Variants in LOXL4 observed in about 807,000 individuals in gnomAD.
LOXL4 encodes lysyl oxidase homolog 4.
LOXL4 carries 72 observed loss-of-function variants against 89.1 expected under a neutral mutation model. The ratio of observed to expected loss-of-function variants is 0.81; its 90% confidence interval spans 0.67 to 0.98. The LOEUF (loss-of-function observed/expected upper bound fraction) is 0.98, where lower values mean the gene tolerates loss of function less well. LOXL4 is among the 50% of genes least tolerant of loss of function. The pLI, the probability that LOXL4 is intolerant of heterozygous loss-of-function variation, is 0.00. For missense variants in LOXL4, 984 were observed against 1,017.5 expected, an observed-to-expected ratio of 0.97 and a Z score of 0.45; for synonymous variants, 355 against 392.1, an observed-to-expected ratio of 0.91 and a Z score of 1.12.
At chr10:98,255,382 C>T (rs1262286837) in intron 10 of LOXL4, among the ~76,000 whole-genome samples, 195 bp downstream of exon 10, 1 of 152,182 alleles carries the variant, frequency 6.6e-6, no homozygotes, top group South Asian at 2.1e-4. Flanking sequence ...TTCTTTCTCA[C>T]AATAACTCCG....
At position 98,260,976 on chromosome 10, in the gene LOXL4, A is replaced by G. The variant is rs1590883383; in HGVS notation, c.608T>C (p.Val203Ala). 4.3e-6 allele frequency: 7 copies of G among 1,613,604 alleles called. No homozygotes were observed. The highest frequency in any genetic ancestry group is 1.3e-5 in the African/African-American group (1 of 74,862). Residue 203 changes from valine to alanine, a missense_variant, in exon 4 of 15, where the codon GTG becomes GCG. Coordinates refer to ENST00000260702, the MANE Select transcript of LOXL4 (RefSeq NM_032211.7). ...GCTGGGGAAGCCCAGCATCCCGCACACCACCCTGCTGTTGTTCATGGTCCA... is the reference window on the plus strand; with the variant it reads ...GCTGGGGAAGCCCAGCATCCCGCACGCCACCCTGCTGTTGTTCATGGTCCA... ...QGWTMNNSRV[V>A]CGMLGFPSEV...
intron 1 of LOXL4, among the ~76,000 whole-genome samples, chr10:98,263,716 T>C (rs1279763754): frequency 1.3e-5 from 2 of 151,460 alleles, no homozygotes; most frequent in Non-Finnish European, 2.9e-5. Context: ...TTTCTTTCTT[T>C]TTTCTTTCTT....
At chr10:98,259,333 A>T in intron 5 of LOXL4, 58 bp downstream of exon 5, 2 of 1,594,088 alleles carry the variant, frequency 1.3e-6, no homozygotes, top group Non-Finnish European at 1.7e-6. Context: ...AGGGGATGGG[A>T]TAGAGGCCCT....
In LOXL4 at chr10:98,253,298, G is replaced by T. The variant is rs1027284513; in HGVS notation, c.1835+255C>A. On this transcript the variant is annotated intron_variant, in intron 11 of 14. Transcript: ENST00000260702. ...AATACCATTCTAACAGAACAACTCT[G>T]CTGGCGGTGACGCCTCTATGGGATG... Among the ~76,000 whole-genome samples the T allele has an allele frequency of 3.9e-5, 6 of 152,270 alleles. 1 individual carries two copies. The highest frequency in any genetic ancestry group is 7.2e-5 in the African/African-American group (3 of 41,478).
intron 1 of LOXL4, among the ~76,000 whole-genome samples, chr10:98,264,187 G>A (rs1381034628): frequency 6.6e-6 from 1 of 151,174 alleles, no homozygotes; most frequent in East Asian, 1.9e-4. Flanking sequence ...GCCAGGTGCT[G>A]GGACACAGAA....
At chr10:98,263,171 T>TGC (rs2135845317) in intron 1 of LOXL4, 120 bp from the exon 2 acceptor site, 2 of 718,150 alleles carry the variant, frequency 2.8e-6, no homozygotes, top group Middle Eastern at 3.6e-4. Flanking sequence ...TGTGTGTGTG[T>TGC]GTGCACGCGC....
rs749575593 is a variant in LOXL4, at chr10:98,256,960, G to C, written c.1261-13C>G. On this transcript the variant is annotated splice_polypyrimidine_tract_variant and intron_variant, in intron 8 of 14. Transcript: ENST00000260702. Reference sequence around the variant, plus strand: ...CAGCCAAGCGCACCTGCAATGGCGAGGGGTGTGTGAGGAGTGGGGTAGCCT... The same window carrying C: ...CAGCCAAGCGCACCTGCAATGGCGACGGGTGTGTGAGGAGTGGGGTAGCCT... The C allele has an allele frequency of 6.2e-7, 1 of 1,612,686 alleles. No individual in the cohort carries two copies. Among genetic ancestry groups the C allele is most frequent in the South Asian group, 1.1e-5 (1 of 90,896 alleles).
chr10:98,264,569 C>T (rs1327913497), intron 1 of LOXL4, among the ~76,000 whole-genome samples: 1 of 151,852 alleles, frequency 6.6e-6, no homozygotes, highest in African/African-American at 2.4e-5. Flanking sequence ...GGGCCCCTGT[C>T]TCCAGGAGGC....
chr10:98,261,247 C>T (rs905998592), intron 3 of LOXL4, 120 bp from the exon 4 acceptor site: 11 of 1,049,500 alleles, frequency 1.0e-5, no homozygotes, highest in Admixed American at 4.3e-5. Flanking sequence ...CCACCCAGCC[C>T]GGTCATTGAA....
intron 3 of LOXL4, 63 bp downstream of exon 3, chr10:98,261,972 G>T: frequency 6.7e-7 from 1 of 1,490,368 alleles, no homozygotes. Context: ...CCCGTCTTCT[G>T]GGAGGCTCTC....
intron 3 of LOXL4, among the ~76,000 whole-genome samples, chr10:98,261,362 C>T (rs987778020): frequency 3.3e-5 from 5 of 152,194 alleles, no homozygotes; most frequent in African/African-American, 4.8e-5. Context: ...CTCAGTTCCT[C>T]GAATTTGTCA....
intron 14 of LOXL4, among the ~76,000 whole-genome samples, 197 bp from the exon 15 acceptor site, chr10:98,249,188 T>C (rs189439908): frequency 1.8e-4 from 27 of 152,192 alleles, no homozygotes; most frequent in Non-Finnish European, 3.1e-4. Context: ...AGGCTATTGA[T>C]TGGAAAGAGT....
chr10:98,257,270 A>G (rs921441089), intron 8 of LOXL4, among the ~76,000 whole-genome samples: 13 of 152,090 alleles, frequency 8.5e-5, no homozygotes, highest in African/African-American at 3.1e-4. Flanking sequence ...ACCCCCTGAG[A>G]GCGTGAACCC....
intron 14 of LOXL4, among the ~76,000 whole-genome samples, chr10:98,249,290 C>T (rs1367297569): frequency 1.3e-5 from 2 of 152,230 alleles, no homozygotes; most frequent in African/African-American, 4.8e-5. Flanking sequence ...CTAGCGATTA[C>T]ATCACTCTGG....
intron 4 of LOXL4, among the ~76,000 whole-genome samples, chr10:98,260,234 C>T (rs1858499545): frequency 6.6e-6 from 1 of 152,230 alleles, no homozygotes; most frequent in African/African-American, 2.4e-5. Context: ...AACCCAGTCA[C>T]AGCCTGGCTT....
chr10:98,255,926 A>T, intron 9 of LOXL4, 187 bp from the exon 10 acceptor site: 1 of 589,146 alleles, frequency 1.7e-6, no homozygotes, highest in Non-Finnish European at 2.9e-6. Flanking sequence ...TTCTGATGTT[A>T]GAAATCCCCA....
chr10:98,266,300 A>C (rs1858687183), intron 1 of LOXL4, among the ~76,000 whole-genome samples: 2 of 152,166 alleles, frequency 1.3e-5, no homozygotes, highest in Admixed American at 6.5e-5. Context: ...TCTGGAGTCA[A>C]ATATTTTCCT....
chr10:98,261,358 T>A (rs1858535793), intron 3 of LOXL4, among the ~76,000 whole-genome samples: 5 of 152,160 alleles, frequency 3.3e-5, no homozygotes, highest in Admixed American at 3.3e-4. Flanking sequence ...TTCCCTCAGT[T>A]CCTCGAATTT....
chr10:98,267,526 G>T (rs577386157), intron 1 of LOXL4, among the ~76,000 whole-genome samples: 12 of 152,144 alleles, frequency 7.9e-5, no homozygotes, highest in South Asian at 2.1e-4. Flanking sequence ...CTTCTCTGCC[G>T]TTGGGCAGCT....
Sources: allele counts gnomAD v4.1 joint callset (sites outside exome capture counted in the v4.1 genomes callset), GRCh38; gene constraint gnomAD v4.1.1; transcripts MANE v1.5; gene names NCBI Gene and HGNC (gene_info 2026-07-23, HGNC 2026-07-21).